Variants in EIF3B observed in about 807,000 individuals in gnomAD.
EIF3B encodes eukaryotic translation initiation factor 3 subunit B, also known as eukaryotic translation initiation factor 3 subunit 9.
A neutral mutation model predicts 104.6 loss-of-function variants in EIF3B; 10 were observed. That is an observed-to-expected ratio of 0.10 (90% CI 0.06 to 0.16). EIF3B has a LOEUF of 0.16. Among genes scored for constraint, EIF3B ranks in the 10% least tolerant of loss-of-function variants. EIF3B has a pLI of 1.00. For synonymous variants in EIF3B, 542 were observed against 417.2 expected, an observed-to-expected ratio of 1.30 and a Z score of -3.65; for missense variants, 1,014 against 1,087.9, an observed-to-expected ratio of 0.93 and a Z score of 0.96.
chr7:2,377,567 T>C (rs111366102), intron 15 of EIF3B, among the ~76,000 whole-genome samples: 2,603 of 32,066 alleles, frequency 0.081, 56 homozygotes, highest in African/African-American at 0.14. Flanking sequence ...CCTGGGATGC[T>C]GTGTTCTGTG....
chr7:2,370,325 T>A (rs1780260819), intron 10 of EIF3B, among the ~76,000 whole-genome samples: 1 of 151,684 alleles, frequency 6.6e-6, no homozygotes, highest in South Asian at 2.1e-4. Flanking sequence ...AAAAGTACAA[T>A]AATTAGCTGG....
intron 5 of EIF3B, 61 bp downstream of exon 5, chr7:2,363,821 G>T: frequency 6.5e-7 from 1 of 1,543,698 alleles, no homozygotes. Context: ...TTAACAAAGT[G>T]GAACTTTGTT....
At chr7:2,364,550 A>G (rs774837391) in intron 6 of EIF3B, 21 bp downstream of exon 6, 22 of 1,605,212 alleles carry the variant, frequency 1.4e-5, no homozygotes, top group Non-Finnish European at 1.7e-5. Context: ...AGAAAAACAC[A>G]GGGGAGTCTA....
chr7:2,374,530 A>G lies in EIF3B; in HGVS notation c.1813A>G (p.Met605Val), dbSNP rs1367393702. Residue 605 changes from methionine to valine, a missense_variant and splice_region_variant, in exon 13 of 19, where the codon ATG becomes GTG. This residue lies in a region of EIF3B where 266 missense variants were observed against 324.0 expected (regional missense o/e 0.82). Transcript: ENST00000360876. Reference sequence around the variant, plus strand: ...ACAGGCGCGCTCTTTCCTTTCAGAGATGTTCGACAAGCAGCAGGCGAACAC... The same window carrying G: ...ACAGGCGCGCTCTTTCCTTTCAGAGGTGTTCGACAAGCAGCAGGCGAACAC... ...KNNGKIELIK[M>V]FDKQQANTIF... 1.9e-6 allele frequency: 3 copies of G among 1,613,822 alleles called. No homozygotes were observed. Among genetic ancestry groups the G allele is most frequent in the African/African-American group, 1.3e-5 (1 of 74,970 alleles).
At chr7:2,371,912 T>C in intron 11 of EIF3B, 63 bp downstream of exon 11, 1 of 1,325,244 alleles carries the variant, frequency 7.5e-7, no homozygotes. Flanking sequence ...CTCTTGGCTT[T>C]AACACTTCCA....
chr7:2,375,421 C>G lies in EIF3B; in HGVS notation c.1922C>G (p.Ser641Trp), dbSNP rs76153980. The G allele has an allele frequency of 6.8e-6, 11 of 1,614,216 alleles. No individual in the cohort carries two copies. Among genetic ancestry groups the G allele is most frequent in the Non-Finnish European group, 8.5e-6 (10 of 1,180,046 alleles). ...GGTGCCTTAGCGTTTGTGGACACTT[C>G]GGACTGCACGGTCATGAACATCGCA... ...MNGALAFVDT[S>W]DCTVMNIAEH... Residue 641 changes from serine (S) to tryptophan (W), a missense_variant, in exon 14 of 19, where the codon TCG (serine) becomes TGG (tryptophan). Transcript: ENST00000360876.
In EIF3B at chr7:2,377,047, C is replaced by G. The variant is rs149974474; in HGVS notation, c.2126C>G (p.Pro709Arg). Residue 709 changes from proline to arginine, a missense_variant, in exon 15 of 19, where the codon CCC becomes CGC. Physicochemically the swap from Pro to Arg is moderately radical, Grantham distance 103. Around this residue, in one of 4 missense-constraint regions of EIF3B, gnomAD observed 266 missense variants for 324.0 expected, o/e 0.82. Coordinates refer to ENST00000360876, the MANE Select transcript of EIF3B (RefSeq NM_001037283.2). Reference sequence around the variant, plus strand: ...CAGCTGCTGTGGCGGCCCCGGCCTCCCACACTCCTGAGCCAGGAACAGATC... The same window carrying G: ...CAGCTGCTGTGGCGGCCCCGGCCTCGCACACTCCTGAGCCAGGAACAGATC... ...FCQLLWRPRP[P>R]TLLSQEQIKQ... The G allele has an allele frequency of 4.5e-3, 7,257 of 1,613,654 alleles. 26 individuals are homozygous for G. The highest frequency in any genetic ancestry group is 5.5e-3 in the Non-Finnish European group (6,512 of 1,179,986).
rs561764853 is a variant in EIF3B, at chr7:2,374,832, G to A, written c.1889+226G>A. The A allele has an allele frequency of 4.5e-5, 20 of 443,580 alleles. No homozygotes were observed. The South Asian group carries it at 9.8e-4, about 22-fold the overall frequency. 27.5% of individuals were successfully genotyped at this position (443,580 alleles called of 1,614,324 possible). ...GAAATAAGCGCTCCCAGATGCTTTC[G>A]TGAAGTGACCAGGCAGACCTGTCTG... On this transcript the variant is annotated intron_variant, in intron 13 of 18. Transcript: ENST00000360876.
rs918906235 is a variant in EIF3B at position 2,364,681 on chromosome 7, A to G, written c.1157+152A>G. On this transcript the variant is annotated intron_variant, in intron 6 of 18. Transcript: ENST00000360876. ...AAGCTTTTTACTGAGATCTTCTCAC[A>G]TTTGGTTGCATTTACGTCATCATCT... 1.4e-5 allele frequency: 10 copies of G among 709,154 alleles called. No individual in the cohort carries two copies. In the African/African-American group the frequency reaches 1.5e-4, roughly 10 times the overall value. The allele number at this position is 709,154 out of a possible 1,614,324, so 43.9% of individuals were successfully genotyped here.
chr7:2,357,438 C>T (rs576063869), intron 1 of EIF3B, among the ~76,000 whole-genome samples: 3 of 152,274 alleles, frequency 2.0e-5, no homozygotes, highest in East Asian at 3.9e-4. Flanking sequence ...TGTGCAAGAC[C>T]GTAGGTGACT....
At chr7:2,377,118 A>C in intron 15 of EIF3B, 43 bp downstream of exon 15, 1 of 1,561,168 alleles carries the variant, frequency 6.4e-7, no homozygotes, top group Non-Finnish European at 8.7e-7. Flanking sequence ...CATGGAGGCA[A>C]TTGTGGCGTT....
chr7:2,360,223 C>T (rs78835583), intron 1 of EIF3B, among the ~76,000 whole-genome samples: 2,156 of 152,260 alleles, frequency 0.014, 43 homozygotes, highest in African/African-American at 0.044. Flanking sequence ...ATTCACAGCA[C>T]AAATGTGCTG....
chr7:2,355,846 A>C (rs917174369), intron 1 of EIF3B, among the ~76,000 whole-genome samples: 1 of 152,188 alleles, frequency 6.6e-6, no homozygotes, highest in African/African-American at 2.4e-5. Flanking sequence ...TCTGGATCGG[A>C]GGAACAGCTT....
At chr7:2,370,208 G>A (rs908890915) in intron 10 of EIF3B, among the ~76,000 whole-genome samples, 1 of 151,992 alleles carries the variant, frequency 6.6e-6, no homozygotes, top group Non-Finnish European at 1.5e-5. Flanking sequence ...TGGGTGTAGT[G>A]GCCCATGCCT....
intron 1 of EIF3B, among the ~76,000 whole-genome samples, chr7:2,357,606 C>G (rs1779519875): frequency 6.6e-6 from 1 of 152,222 alleles, no homozygotes; most frequent in Non-Finnish European, 1.5e-5. Flanking sequence ...GATTTTAACT[C>G]TAAATGTCTT....
At chr7:2,364,582 C>T in intron 6 of EIF3B, 53 bp downstream of exon 6, 1 of 1,488,618 alleles carries the variant, frequency 6.7e-7, no homozygotes, top group Non-Finnish European at 9.2e-7. Context: ...CCATGCCAGC[C>T]TTCTACAGGT....
chr7:2,375,588 C>G lies in EIF3B; in HGVS notation c.2028+61C>G, dbSNP rs944449971. On this transcript the variant is annotated intron_variant, in intron 14 of 18. Coordinates refer to ENST00000360876, the MANE Select transcript of EIF3B (RefSeq NM_001037283.2). ...AGAAGCAGGGAGTGCTGGCTAGCTG[C>G]TGACTCTGGTGCTGTCCTGGGACCT... 1.9e-6 allele frequency: 3 copies of G among 1,609,126 alleles called. No individual in the cohort carries two copies. The African/African-American group carries it at 4.0e-5, about 21-fold the overall frequency.
Position 2,369,443 on chromosome 7 carries a change from C to CT in EIF3B, c.1404-26dup, listed in dbSNP as rs1218869198. The CT allele has an allele frequency of 8.7e-6, 14 of 1,610,426 alleles. No individual in the cohort carries two copies. The African/African-American group carries it at 1.6e-4, about 18-fold the overall frequency. On this transcript the variant is annotated intron_variant, in intron 9 of 18. Coordinates refer to ENST00000360876, the MANE Select transcript of EIF3B (RefSeq NM_001037283.2). ...CAGTTTCGTCATCACTTGGTCTTTG[C>CT]TTTAACATTTTATTTTCCTGTTCTG...
At position 2,380,353 on chromosome 7, in the gene EIF3B, C is replaced by T. The variant is rs946867838; in HGVS notation, c.*164C>T. The T allele has an allele frequency of 1.9e-6, 1 of 518,736 alleles. No individual in the cohort carries two copies. Among genetic ancestry groups the T allele is most frequent in the African/African-American group, 1.9e-5 (1 of 51,984 alleles). The allele number at this position is 518,736 out of a possible 1,614,324, so 32.1% of individuals were successfully genotyped here. On this transcript the variant is annotated 3_prime_UTR_variant, in exon 19 of 19. Transcript: ENST00000360876. The stretch of plus-strand genomic sequence containing the variant: ...GACTCCCGCCTCCTCCCTGTGCTCT[C>T]TGGCTCTGGACTGTGACTGCGCCTG...
Sources: gnomAD v4.1 joint callset for allele counts (sites outside exome capture counted in the v4.1 genomes callset) on GRCh38, gnomAD v4.1.1 for gene constraint, gnomAD v4.1.1 regional missense constraint, MANE v1.5 for transcripts, NCBI Gene and HGNC (gene_info 2026-07-23, HGNC 2026-07-21) for gene names.